Variants in FRMD6 observed in about 807,000 individuals in gnomAD.
The protein encoded by FRMD6 is FERM domain-containing protein 6.
FRMD6 carries 37 observed loss-of-function variants against 73.2 expected under a neutral mutation model. The observed-to-expected ratio is 0.51, with a 90% confidence interval of 0.39 to 0.66. FRMD6 has a LOEUF of 0.66. FRMD6 is among the 30% of genes least tolerant of loss of function. The probability of loss-of-function intolerance (pLI) is 0.00; values close to 1 mark genes in which losing one functional copy is unlikely to be tolerated. For missense variants in FRMD6, 714 were observed against 780.5 expected, an observed-to-expected ratio of 0.91 and a Z score of 1.02; for synonymous variants, 273 against 282.2, an observed-to-expected ratio of 0.97 and a Z score of 0.33.
At chr14:51,606,930 G>A (rs944930307) in intron 2 of FRMD6, among the ~76,000 whole-genome samples, 35 of 152,248 alleles carry the variant, frequency 2.3e-4, no homozygotes, top group African/African-American at 7.0e-4. Context: ...AAAGGCTGGC[G>A]AGCCTGGAAT....
chr14:51,701,192 A>G (rs1469246185), intron 4 of FRMD6, 33 bp downstream of exon 4: 1 of 1,307,324 alleles, frequency 7.6e-7, no homozygotes, highest in Non-Finnish European at 1.1e-6. Context: ...AATTATTTTG[A>G]TTTTTTTTAA....
intron 2 of FRMD6, among the ~76,000 whole-genome samples, chr14:51,646,538 T>A (rs1475729583): frequency 6.6e-6 from 1 of 151,698 alleles, no homozygotes; most frequent in Non-Finnish European, 1.5e-5. Context: ...GGGAATTGCC[T>A]CCCAACTCTG....
At chr14:51,690,898 A>C (rs1478570620) in intron 2 of FRMD6, among the ~76,000 whole-genome samples, 1 of 152,180 alleles carries the variant, frequency 6.6e-6, no homozygotes, top group East Asian at 1.9e-4. Flanking sequence ...CATACTGCAA[A>C]GTATAGAAAC....
the FRMD6 span, among the ~76,000 whole-genome samples, chr14:51,428,927 GGAGA>G: frequency 1.3e-5 from 2 of 149,284 alleles, no homozygotes; most frequent in African/African-American, 4.9e-5. Flanking sequence ...AGAGAGAGGG[GGAGA>G]GAGAGAGAAG....
intron 10 of FRMD6, among the ~76,000 whole-genome samples, chr14:51,715,842 C>T (rs2140566585): frequency 6.6e-6 from 1 of 152,322 alleles, no homozygotes; most frequent in South Asian, 2.1e-4. Flanking sequence ...ATTTTATCTG[C>T]ATTTTAGAGC....
At chr14:51,537,801 A>G (rs1280480247) in intron 1 of FRMD6, among the ~76,000 whole-genome samples, 6 of 152,172 alleles carry the variant, frequency 3.9e-5, no homozygotes, top group Non-Finnish European at 8.8e-5. Flanking sequence ...ATCTATCTGT[A>G]CATCTTCTTT....
At chr14:51,681,710 G>A (rs188218802) in intron 1 of FRMD6, among the ~76,000 whole-genome samples, 2 of 152,216 alleles carry the variant, frequency 1.3e-5, no homozygotes, top group Non-Finnish European at 2.9e-5. Flanking sequence ...ACTTACAATT[G>A]TATAGTATAA....
chr14:51,413,594 A>AT, the FRMD6 span, among the ~76,000 whole-genome samples: 1 of 152,110 alleles, frequency 6.6e-6, no homozygotes, highest in African/African-American at 2.4e-5. Context: ...AGTCTTTACT[A>AT]TGTGAATAGT....
chr14:51,448,796 TG>T, the FRMD6 span, among the ~76,000 whole-genome samples: 1 of 152,148 alleles, frequency 6.6e-6, no homozygotes, highest in Non-Finnish European at 1.5e-5. Context: ...CAATAAAACT[TG>T]GGGCAGGAAA....
chr14:51,446,348 A>G, the FRMD6 span, among the ~76,000 whole-genome samples: 1 of 151,988 alleles, frequency 6.6e-6, no homozygotes. Flanking sequence ...ATAAGCTTGA[A>G]GATTCATAAG....
upstream of FRMD6, chr14:51,649,776 T>G (rs1021078172): frequency 5.3e-5 from 8 of 152,296 alleles, no homozygotes; most frequent in African/African-American, 1.7e-4. Flanking sequence ...TTTTTCTTTT[T>G]CAGACAGGGT....
chr14:51,661,758 G>T (rs1411588267), intron 1 of FRMD6, among the ~76,000 whole-genome samples: 1 of 152,220 alleles, frequency 6.6e-6, no homozygotes, highest in East Asian at 1.9e-4. Context: ...TGTCACTGGA[G>T]AAGTGGAGAT....
intron 1 of FRMD6, among the ~76,000 whole-genome samples, chr14:51,539,787 G>T (rs1444231440): frequency 6.6e-6 from 1 of 152,154 alleles, no homozygotes; most frequent in Non-Finnish European, 1.5e-5. Flanking sequence ...ATTTGCAGAT[G>T]ACTTCTTTGT....
At chr14:51,521,330 A>C (rs1161710280) in intron 1 of FRMD6, among the ~76,000 whole-genome samples, 5 of 152,244 alleles carry the variant, frequency 3.3e-5, no homozygotes, top group Admixed American at 2.6e-4. Context: ...ACATCAAAAC[A>C]TTTATGTTAT....
chr14:51,428,550 A>G, the FRMD6 span, among the ~76,000 whole-genome samples: 1 of 152,250 alleles, frequency 6.6e-6, no homozygotes, highest in African/African-American at 2.4e-5. Flanking sequence ...GACATGATTT[A>G]GAAAATGCGA....
the FRMD6 span, among the ~76,000 whole-genome samples, chr14:51,470,256 C>T: frequency 1.3e-5 from 2 of 152,120 alleles, no homozygotes; most frequent in Admixed American, 6.5e-5. Context: ...TGGTGGCTCA[C>T]GCCTCTAATC....
At position 51,702,579 on chromosome 14, in the gene FRMD6, G is replaced by A. The variant is rs1378390239; in HGVS notation, c.362G>A (p.Arg121Lys). ...FRVQYYVENGRLISDRAARYY... is the reference protein window; with the variant it reads ...FRVQYYVENGKLISDRAARYY... Reference sequence around the variant, plus strand: ...GTGCAGTACTATGTGGAAAATGGCAGATTGATCAGGTAAGAGGACAGGGGG... The same window carrying A: ...GTGCAGTACTATGTGGAAAATGGCAAATTGATCAGGTAAGAGGACAGGGGG... The change falls in exon 5 of 14, where the codon AGA becomes AAA. Residue 121 changes from arginine to lysine, a missense_variant. Physicochemically the swap from Arg to Lys is conservative, Grantham distance 26 (BLOSUM62 2). Transcript: ENST00000344768. 1.9e-6 allele frequency: 3 copies of A among 1,611,572 alleles called. No homozygotes were observed. The highest frequency in any genetic ancestry group is 1.7e-5 in the Admixed American group (1 of 59,888).
the FRMD6 span, among the ~76,000 whole-genome samples, chr14:51,418,022 C>G: frequency 6.6e-6 from 1 of 152,150 alleles, no homozygotes; most frequent in Non-Finnish European, 1.5e-5. Flanking sequence ...AAGGTCTTCT[C>G]TACACTGTTT....
intron 1 of FRMD6, among the ~76,000 whole-genome samples, chr14:51,525,719 C>T (rs1269823947): frequency 6.6e-6 from 1 of 152,168 alleles, no homozygotes; most frequent in Non-Finnish European, 1.5e-5. Flanking sequence ...AACCCCTGAC[C>T]TTACTACTTT....
Sources: allele counts gnomAD v4.1 joint callset (sites outside exome capture counted in the v4.1 genomes callset), GRCh38; gene constraint gnomAD v4.1.1; transcripts MANE v1.5; gene names NCBI Gene and HGNC (gene_info 2026-07-23, HGNC 2026-07-21).